Variants in CCL18 observed in about 807,000 individuals in gnomAD.
CCL18 encodes the protein C-C motif chemokine ligand 18, also known as C-C motif chemokine 18.
CCL18 carries 7 observed loss-of-function variants against 8.0 expected under a neutral mutation model. The observed-to-expected ratio is 0.87, with a 90% CI of 0.50 to 1.64. CCL18 has a LOEUF of 1.64. CCL18 is among the 40% of genes most tolerant of loss of function. The pLI is 0.00. For synonymous variants in CCL18, 35 were observed against 41.3 expected, an observed-to-expected ratio of 0.85 and a Z score of 0.59; for missense variants, 95 against 107.8, an observed-to-expected ratio of 0.88 and a Z score of 0.52.
chr17:36,068,204 A>C (rs1461236414), intron 1 of CCL18, among the ~76,000 whole-genome samples: 1 of 152,216 alleles, frequency 6.6e-6, no homozygotes, highest in Non-Finnish European at 1.5e-5. Context: ...AACCTGTATC[A>C]TGACAACAGT....
At chr17:36,070,393 G>C (rs1464456562) in intron 1 of CCL18, 54 bp from the exon 2 acceptor site, 1 of 1,085,054 alleles carries the variant, frequency 9.2e-7, no homozygotes, top group Non-Finnish European at 1.4e-6. Context: ...ACCAGGAGCA[G>C]CTGGCTTGCC....
chr17:36,064,328 T>C lies in CCL18; in HGVS notation c.-15T>C. ...CCCCAGCTCACTCTGACCACTTCTC[T>C]GCCTGCCCAGCATCATGAAGGGCCT... On this transcript the variant is annotated 5_prime_UTR_variant, in exon 1 of 3. Coordinates refer to ENST00000616054, the MANE Select transcript of CCL18 (RefSeq NM_002988.4). The C allele has an allele frequency of 6.2e-7, 1 of 1,612,788 alleles. No individual in the cohort carries two copies. The highest frequency in any genetic ancestry group is 8.5e-7 in the Non-Finnish European group (1 of 1,178,778).
intron 1 of CCL18, among the ~76,000 whole-genome samples, chr17:36,069,096 C>G (rs1278414019): frequency 2.0e-5 from 3 of 152,190 alleles, no homozygotes; most frequent in Admixed American, 2.0e-4. Context: ...TTCAAGCAAT[C>G]CTCCCACCTT....
At chr17:36,068,938 T>C (rs1046452998) in intron 1 of CCL18, among the ~76,000 whole-genome samples, 1 of 152,110 alleles carries the variant, frequency 6.6e-6, no homozygotes, top group African/African-American at 2.4e-5. Context: ...GAGCTCACTG[T>C]AGGCTTGACT....
intron 1 of CCL18, among the ~76,000 whole-genome samples, chr17:36,066,376 A>T (rs1462253086): frequency 6.6e-6 from 1 of 152,166 alleles, no homozygotes; most frequent in Non-Finnish European, 1.5e-5. Flanking sequence ...CAGGCAGAGG[A>T]GTGTAGGCAA....
In CCL18 at chr17:36,071,067, G is replaced by A; in HGVS notation, c.*26G>A. ...GGGGCCTGGAAGCTGCGAGGGCCCA[G>A]TGAACTTGGTGGGCCCAGGAGGGAA... On this transcript the variant is annotated 3_prime_UTR_variant, in exon 3 of 3. Coordinates refer to ENST00000616054, the MANE Select transcript of CCL18 (RefSeq NM_002988.4). 2 of 1,527,528 alleles carry A rather than the reference G, an allele frequency of 1.3e-6. No homozygotes were observed. Among genetic ancestry groups the A allele is most frequent in the Non-Finnish European group, 9.1e-7 (1 of 1,102,712 alleles). The allele number at this position is 1,527,528 out of a possible 1,614,324, so 94.6% of individuals were successfully genotyped here.
intron 1 of CCL18, among the ~76,000 whole-genome samples, chr17:36,064,636 A>C (rs1274954186): frequency 6.6e-6 from 1 of 152,240 alleles, no homozygotes; most frequent in African/African-American, 2.4e-5. Flanking sequence ...AGATGGTTGA[A>C]GTCTAATTCA....
intron 1 of CCL18, 111 bp downstream of exon 1, chr17:36,064,520 G>A (rs2066827331): frequency 2.6e-6 from 2 of 783,076 alleles, no homozygotes; most frequent in Middle Eastern, 4.6e-4. Flanking sequence ...CCTCAAATGG[G>A]GTTTCAAAGT....
chr17:36,070,022 A>G (rs2066857213), intron 1 of CCL18, among the ~76,000 whole-genome samples: 1 of 152,084 alleles, frequency 6.6e-6, no homozygotes, highest in Non-Finnish European at 1.5e-5. Context: ...AGACAGAGGG[A>G]GAGTGAGTCC....
chr17:36,070,891 G>A, intron 2 of CCL18, 60 bp from the exon 3 acceptor site: 1 of 1,255,214 alleles, frequency 8.0e-7, no homozygotes, highest in Non-Finnish European at 1.2e-6. Context: ...AAGGACGCAG[G>A]GGCCACAGGA....
In CCL18 at chr17:36,070,562, AGT is replaced by A. The variant is rs776741384; in HGVS notation, c.179+6_179+7del. 1 of 1,560,634 alleles carries A rather than the reference AGT, an allele frequency of 6.4e-7. No individual in the cohort carries two copies. Among genetic ancestry groups the A allele is most frequent in the South Asian group, 1.1e-5 (1 of 90,056 alleles). ...AGTGCCCCAAGCCAGGTGTCATGTA[AGT>A]GCCAGTGCTCCTGCCCACCCCTCGG... On this transcript the variant is annotated splice_donor_5th_base_variant and intron_variant, in intron 2 of 2. Coordinates refer to ENST00000616054, the MANE Select transcript of CCL18 (RefSeq NM_002988.4).
intron 1 of CCL18, among the ~76,000 whole-genome samples, chr17:36,069,209 G>T (rs1215907954): frequency 1.3e-5 from 2 of 152,130 alleles, no homozygotes; most frequent in Non-Finnish European, 2.9e-5. Flanking sequence ...CTATCAGAAG[G>T]TTCTGCTCAA....
At chr17:36,067,452 C>T (rs554485700) in intron 1 of CCL18, among the ~76,000 whole-genome samples, 43 of 152,112 alleles carry the variant, frequency 2.8e-4, no homozygotes, top group African/African-American at 9.4e-4. Flanking sequence ...TTTGGGAGGC[C>T]GAGGCAAGCA....
Position 36,070,463 on chromosome 17 carries a change from G to A in CCL18, c.84G>A (p.Glu28=). 6.2e-7 allele frequency: 1 copy of A among 1,611,748 alleles called. No individual in the cohort carries two copies. The highest frequency in any genetic ancestry group is 8.5e-7 in the Non-Finnish European group (1 of 1,177,818). ...CTCTTGCAGTTGGTACCAACAAAGA[G>A]CTCTGCTGCCTCGTCTATACCTCCT... is the stretch of plus-strand genomic sequence containing the variant. ...CSCAQVGTNK[E]LCCLVYTSWQ... The change falls in exon 2 of 3, where the codon GAG becomes GAA. Residue 28 remains glutamate (E), a synonymous_variant. Coordinates refer to ENST00000616054, the MANE Select transcript of CCL18 (RefSeq NM_002988.4).
chr17:36,068,734 G>C (rs978566420), intron 1 of CCL18, among the ~76,000 whole-genome samples: 4 of 152,162 alleles, frequency 2.6e-5, no homozygotes, highest in African/African-American at 9.7e-5. Context: ...GAGGTGACAA[G>C]CTCAAATAAG....
intron 1 of CCL18, among the ~76,000 whole-genome samples, chr17:36,066,298 G>A (rs2066836650): frequency 6.6e-6 from 1 of 152,228 alleles, no homozygotes; most frequent in Non-Finnish European, 1.5e-5. Flanking sequence ...CGGGACAGAT[G>A]AGACTTGTGA....
chr17:36,065,888 T>A (rs1187731639), intron 1 of CCL18, among the ~76,000 whole-genome samples: 1 of 152,172 alleles, frequency 6.6e-6, no homozygotes, highest in Non-Finnish European at 1.5e-5. Flanking sequence ...CTCTTTTGGG[T>A]AGGAACTTCA....
chr17:36,065,533 G>A (rs573050181), intron 1 of CCL18, among the ~76,000 whole-genome samples: 5 of 152,188 alleles, frequency 3.3e-5, no homozygotes, highest in African/African-American at 1.2e-4. Flanking sequence ...CTGACATTAC[G>A]CCAGGGTAAG....
Position 36,070,810 on chromosome 17 carries a change from G to T in CCL18, c.180-141G>T, listed in dbSNP as rs143784549. ...ACCCCATCTGAGACATTTGGGGAAG[G>T]CCTGTGAACCCCGAAGTTAAGGGGA... On this transcript the variant is annotated intron_variant, in intron 2 of 2. Coordinates refer to ENST00000616054, the MANE Select transcript of CCL18 (RefSeq NM_002988.4). 618 of 721,468 alleles carry T rather than the reference G, an allele frequency of 8.6e-4. 6 individuals carry two copies. The highest frequency in any genetic ancestry group is 2.7e-3 in the South Asian group (169 of 63,136). The allele number at this position is 721,468 out of a possible 1,614,324, so 44.7% of individuals were successfully genotyped here.
Sources: gnomAD v4.1 joint callset for allele counts (sites outside exome capture counted in the v4.1 genomes callset) on GRCh38, gnomAD v4.1.1 for gene constraint, MANE v1.5 for transcripts, NCBI Gene and HGNC (gene_info 2026-07-23, HGNC 2026-07-21) for gene names.